Variants in ARHGAP10 observed in about 807,000 individuals in gnomAD.
ARHGAP10 encodes rho GTPase-activating protein 10.
Under a neutral mutation model 108.6 loss-of-function variants are expected in ARHGAP10, and 87 were observed. That is an observed-to-expected ratio of 0.80 (90% CI 0.67 to 0.96). ARHGAP10 has a LOEUF of 0.96. ARHGAP10 is among the 40% of genes least tolerant of loss of function. ARHGAP10 has a pLI of 0.00. For synonymous variants in ARHGAP10, 347 were observed against 341.1 expected (o/e 1.02, Z -0.19); for missense variants, 939 against 954.5 (o/e 0.98, Z 0.21).
chr4:147,800,224 C>T (rs1731522087), intron 1 of ARHGAP10, among the ~76,000 whole-genome samples: 1 of 152,222 alleles, frequency 6.6e-6, no homozygotes, highest in South Asian at 2.1e-4. Flanking sequence ...AGGGACTTTC[C>T]TGACTGTGGC....
chr4:148,021,610 T>C (rs1473064210), intron 18 of ARHGAP10, among the ~76,000 whole-genome samples: 1 of 152,206 alleles, frequency 6.6e-6, no homozygotes, highest in Non-Finnish European at 1.5e-5. Context: ...TCCTGGCTTT[T>C]CTTCTCTCCT....
intron 10 of ARHGAP10, among the ~76,000 whole-genome samples, chr4:147,890,937 A>G (rs1735774771): frequency 6.6e-6 from 1 of 152,234 alleles, no homozygotes; most frequent in Admixed American, 6.5e-5. Context: ...ATACCACTTT[A>G]TATCTACTAG....
chr4:147,915,228 TC>T (rs1736925842), intron 13 of ARHGAP10, among the ~76,000 whole-genome samples: 1 of 152,244 alleles, frequency 6.6e-6, no homozygotes, highest in South Asian at 2.1e-4. Context: ...AAGCCATTCT[TC>T]CCACATTCTC....
At chr4:147,806,907 A>G (rs1731810035) in intron 1 of ARHGAP10, among the ~76,000 whole-genome samples, 1 of 152,196 alleles carries the variant, frequency 6.6e-6, no homozygotes, top group Non-Finnish European at 1.5e-5. Flanking sequence ...TGTAGGTGCC[A>G]CGAAACTGCC....
intron 22 of ARHGAP10, among the ~76,000 whole-genome samples, chr4:148,069,987 A>G (rs1730092449): frequency 6.6e-6 from 1 of 152,254 alleles, no homozygotes; most frequent in Non-Finnish European, 1.5e-5. Flanking sequence ...CAGTGAAGGC[A>G]TGAAGGAAGT....
intron 14 of ARHGAP10, among the ~76,000 whole-genome samples, chr4:147,943,488 T>C (rs1187389992): frequency 6.6e-6 from 1 of 152,196 alleles, no homozygotes; most frequent in African/African-American, 2.4e-5. Context: ...CCTAAGTCAG[T>C]GTTGAGTAGG....
chr4:147,766,646 CCACCCACACA>C (rs1020731032), intron 1 of ARHGAP10, among the ~76,000 whole-genome samples: 2 of 135,838 alleles, frequency 1.5e-5, no homozygotes, highest in Admixed American at 7.3e-5. Context: ...ATATACACAC[CCACCCACACA>C]CACCCACACA....
intron 18 of ARHGAP10, among the ~76,000 whole-genome samples, chr4:147,984,075 A>G (rs933548272): frequency 1.3e-5 from 2 of 151,936 alleles, no homozygotes; most frequent in Non-Finnish European, 2.9e-5. Context: ...GCTGTTTATG[A>G]GTTCCTTGGT....
intron 13 of ARHGAP10, among the ~76,000 whole-genome samples, chr4:147,923,442 G>T (rs889409072): frequency 6.6e-6 from 1 of 152,148 alleles, no homozygotes; most frequent in Non-Finnish European, 1.5e-5. Flanking sequence ...TTTTAAAATA[G>T]TCATTACCAT....
At chr4:147,758,023 A>T (rs147295944) in intron 1 of ARHGAP10, among the ~76,000 whole-genome samples, 2 of 152,310 alleles carry the variant, frequency 1.3e-5, no homozygotes, top group East Asian at 1.9e-4. Flanking sequence ...GTTACATTAG[A>T]TAAAGGAACT....
chr4:147,879,091 A>T, intron 8 of ARHGAP10, 141 bp from the exon 9 acceptor site: 3 of 597,510 alleles, frequency 5.0e-6, no homozygotes, highest in Admixed American at 6.5e-5. Context: ...TCTTAGAACT[A>T]GCAGTATTGC....
rs143613010 is a variant in ARHGAP10 at position 147,860,826 on chromosome 4, A to G, written c.486+3172A>G. The stretch of plus-strand genomic sequence containing the variant: ...GTTGATAATCAAATTGAAATTGTGT[A>G]TTTGTTAAAAACTAGTGATTTGCTT... On this transcript the variant is annotated intron_variant, in intron 5 of 22. Transcript: ENST00000336498. Among the ~76,000 whole-genome samples, 66 of 152,366 alleles carry G rather than the reference A, an allele frequency of 4.3e-4. 1 individual carries two copies. In the East Asian group the frequency reaches 6.8e-3, roughly 16 times the overall value.
chr4:148,047,974 C>T (rs1032499411), intron 20 of ARHGAP10, among the ~76,000 whole-genome samples: 3 of 152,078 alleles, frequency 2.0e-5, no homozygotes, highest in African/African-American at 7.2e-5. Context: ...AGGTGTCTGC[C>T]ACCACAGCCA....
chr4:147,931,046 A>G (rs1253342302), intron 13 of ARHGAP10, among the ~76,000 whole-genome samples: 1 of 152,186 alleles, frequency 6.6e-6, no homozygotes, highest in Non-Finnish European at 1.5e-5. Context: ...AGAGGGAAAC[A>G]GCTGAGCAGA....
chr4:147,836,052 T>G (rs553356938), intron 3 of ARHGAP10, among the ~76,000 whole-genome samples: 21 of 152,212 alleles, frequency 1.4e-4, no homozygotes, highest in Admixed American at 6.5e-4. Context: ...AAAACAAATC[T>G]TTACAGGTAG....
At chr4:147,753,563 A>T (rs1729251394) in intron 1 of ARHGAP10, among the ~76,000 whole-genome samples, 1 of 149,352 alleles carries the variant, frequency 6.7e-6, no homozygotes, top group South Asian at 2.1e-4. Context: ...CATGTTGGCC[A>T]GGTTGGTCTT....
intron 1 of ARHGAP10, among the ~76,000 whole-genome samples, chr4:147,809,704 G>GTTTT (rs1293925125): frequency 6.6e-6 from 1 of 152,186 alleles, no homozygotes; most frequent in East Asian, 1.9e-4. Flanking sequence ...ATGGAAGACA[G>GTTTT]TTTTTCCATG....
At position 148,064,487 on chromosome 4, in the gene ARHGAP10, TAGG is replaced by T. The variant is rs769214257; in HGVS notation, c.2255_2257del (p.Gly752del). ...CACAGCTCGGAATTATCTTTTGAAA[TAGG>T]AGCAATTTTTGAGGATGGTAAGTGT... On this transcript the variant is annotated inframe_deletion, in exon 22 of 23. Transcript: ENST00000336498. The T allele has an allele frequency of 4.3e-6, 7 of 1,614,074 alleles. No individual in the cohort carries two copies. In the East Asian group the frequency reaches 8.9e-5, roughly 21 times the overall value.
At chr4:147,752,848 C>T (rs1467987680) in intron 1 of ARHGAP10, among the ~76,000 whole-genome samples, 1 of 152,210 alleles carries the variant, frequency 6.6e-6, no homozygotes, top group Non-Finnish European at 1.5e-5. Flanking sequence ...TAATGCTGAT[C>T]TGGGCCTTTG....
Sources: gnomAD v4.1 joint callset for allele counts (sites outside exome capture counted in the v4.1 genomes callset) on GRCh38, gnomAD v4.1.1 for gene constraint, MANE v1.5 for transcripts, NCBI Gene and HGNC (gene_info 2026-07-23, HGNC 2026-07-21) for gene names.